PHF21A: variants seen among roughly 807,000 people sequenced by gnomAD.
The protein encoded by PHF21A is PHD finger protein 21A.
In PHF21A, 11 loss-of-function variants were observed where a neutral mutation model predicts 82.5. The observed-to-expected ratio is 0.13, with a 90% CI of 0.08 to 0.22. PHF21A has a LOEUF of 0.22. Among genes scored for constraint, PHF21A ranks in the 10% least tolerant of loss-of-function variants. The probability of loss-of-function intolerance (pLI) is 1.00; values close to 1 mark genes in which losing one functional copy is unlikely to be tolerated. For synonymous variants in PHF21A, 297 were observed against 302.8 expected, an observed-to-expected ratio of 0.98 and a Z score of 0.20; for missense variants, 579 against 837.8, an observed-to-expected ratio of 0.69 and a Z score of 3.81.
At chr11:45,967,666 T>C (rs765646721) in intron 9 of PHF21A, among the ~76,000 whole-genome samples, 5 of 152,226 alleles carry the variant, frequency 3.3e-5, no homozygotes, top group African/African-American at 7.2e-5. Flanking sequence ...AAATGTCTGA[T>C]GCTATCTTGC....
intron 1 of PHF21A, among the ~76,000 whole-genome samples, chr11:46,114,951 G>A (rs2097270421): frequency 6.6e-6 from 1 of 152,064 alleles, no homozygotes; most frequent in African/African-American, 2.4e-5. Flanking sequence ...TCAAAATAAA[G>A]CCTAGATCAT....
chr11:46,108,751 T>C lies in PHF21A; in HGVS notation c.-237+12184A>G, dbSNP rs182258111. 4.3e-3 allele frequency among the ~76,000 whole-genome samples: 651 copies of C among 152,246 alleles called. 4 individuals are homozygous for C. The highest frequency in any genetic ancestry group is 0.02 in the Middle Eastern group (6 of 294). ...GACACTTATCTAACACTCTAAAACG[T>C]TGATCGTTATATAAGGACTGACTGA... On this transcript the variant is annotated intron_variant, in intron 1 of 18. Transcript: ENST00000676320.
At chr11:46,013,940 C>T (rs1375337884) in intron 6 of PHF21A, among the ~76,000 whole-genome samples, 1 of 152,170 alleles carries the variant, frequency 6.6e-6, no homozygotes, top group East Asian at 1.9e-4. Flanking sequence ...CATTACTATA[C>T]ACTACTCTAG....
At chr11:46,062,528 C>T (rs1398441787) in intron 6 of PHF21A, among the ~76,000 whole-genome samples, 2 of 152,036 alleles carry the variant, frequency 1.3e-5, no homozygotes, top group Admixed American at 1.3e-4. Context: ...TTCACTAATG[C>T]AATATCTTCT....
At chr11:45,996,739 GTAGCTAT>G (rs1433282673) in intron 6 of PHF21A, among the ~76,000 whole-genome samples, 1 of 152,212 alleles carries the variant, frequency 6.6e-6, no homozygotes, top group Non-Finnish European at 1.5e-5. Flanking sequence ...GAAACAAAAG[GTAGCTAT>G]ATTTATAACT....
At chr11:46,109,707 C>T (rs898330295) in intron 1 of PHF21A, among the ~76,000 whole-genome samples, 2 of 152,100 alleles carry the variant, frequency 1.3e-5, no homozygotes, top group African/African-American at 2.4e-5. Context: ...TTGGGCCAGG[C>T]GTGGTGGTTT....
intron 7 of PHF21A, among the ~76,000 whole-genome samples, chr11:45,973,160 C>G (rs907309808): frequency 6.6e-6 from 1 of 152,158 alleles, no homozygotes; most frequent in African/African-American, 2.4e-5. Flanking sequence ...AAAACATCAG[C>G]TCCTCAGTTG....
At chr11:46,035,240 G>A (rs1184206647) in intron 6 of PHF21A, among the ~76,000 whole-genome samples, 1 of 152,162 alleles carries the variant, frequency 6.6e-6, no homozygotes, top group African/African-American at 2.4e-5. Context: ...ACAGCCAATT[G>A]TTCTTATACC....
chr11:45,958,449 T>TATATATACAC (rs780397923), intron 10 of PHF21A, among the ~76,000 whole-genome samples: 9 of 15,076 alleles, frequency 6.0e-4, no homozygotes, highest in South Asian at 4.3e-3. Flanking sequence ...TATATATATA[T>TATATATACAC]ACACACACAC....
chr11:46,118,466 G>C (rs908487030), intron 1 of PHF21A, among the ~76,000 whole-genome samples: 2 of 148,346 alleles, frequency 1.3e-5, no homozygotes, highest in African/African-American at 5.0e-5. Context: ...ATGTTAGCCA[G>C]ATGTTTGTGT....
intron 6 of PHF21A, among the ~76,000 whole-genome samples, chr11:46,056,087 G>C (rs1208445438): frequency 6.6e-6 from 1 of 151,982 alleles, no homozygotes; most frequent in Non-Finnish European, 1.5e-5. Context: ...TTTAAATAAA[G>C]TTATTGCTTC....
chr11:46,012,108 G>A (rs747705161), intron 6 of PHF21A, among the ~76,000 whole-genome samples: 1 of 152,090 alleles, frequency 6.6e-6, no homozygotes, highest in Non-Finnish European at 1.5e-5. Context: ...ATTACTACCG[G>A]AAAGAATCCT....
At chr11:46,009,148 G>A (rs907961396) in intron 6 of PHF21A, among the ~76,000 whole-genome samples, 1 of 151,622 alleles carries the variant, frequency 6.6e-6, no homozygotes, top group Non-Finnish European at 1.5e-5. Flanking sequence ...CTAATTTTCT[G>A]TATTTAGTAG....
At chr11:45,977,842 T>C (rs1488766539) in intron 7 of PHF21A, among the ~76,000 whole-genome samples, 1 of 150,444 alleles carries the variant, frequency 6.6e-6, no homozygotes, top group Non-Finnish European at 1.5e-5. Context: ...TTCTTCTTCT[T>C]CTTTTTTTTT....
intron 1 of PHF21A, among the ~76,000 whole-genome samples, chr11:46,107,673 G>T (rs774433578): frequency 4.7e-4 from 71 of 152,066 alleles, no homozygotes; most frequent in Non-Finnish European, 1.0e-4. Flanking sequence ...TATTACCTGT[G>T]TAACAAAATT....
chr11:46,099,718 G>C (rs2097064978), intron 1 of PHF21A, among the ~76,000 whole-genome samples: 1 of 152,238 alleles, frequency 6.6e-6, no homozygotes, highest in East Asian at 1.9e-4. Flanking sequence ...CACATTTCAA[G>C]CACTAAAAGA....
At chr11:46,018,812 A>G (rs775976012) in intron 6 of PHF21A, among the ~76,000 whole-genome samples, 2 of 152,228 alleles carry the variant, frequency 1.3e-5, no homozygotes, top group South Asian at 2.1e-4. Flanking sequence ...GCAGATGGTG[A>G]TAACTCACTT....
chr11:46,114,809 A>T (rs1223803296), intron 1 of PHF21A, among the ~76,000 whole-genome samples: 2 of 152,170 alleles, frequency 1.3e-5, no homozygotes, highest in Non-Finnish European at 2.9e-5. Context: ...AAAAAAAATC[A>T]ATTCCTTTCT....
chr11:46,029,642 C>T (rs1044351484), intron 6 of PHF21A, among the ~76,000 whole-genome samples: 6 of 149,484 alleles, frequency 4.0e-5, no homozygotes, highest in Non-Finnish European at 5.9e-5. Flanking sequence ...GAGCCAAGAT[C>T]GTGCCACTGC....
Sources: allele counts gnomAD v4.1 joint callset (sites outside exome capture counted in the v4.1 genomes callset), GRCh38; gene constraint gnomAD v4.1.1; transcripts MANE v1.5; gene names NCBI Gene and HGNC (gene_info 2026-07-23, HGNC 2026-07-21).